LRRC73: variants seen among roughly 807,000 people sequenced by gnomAD.
LRRC73 encodes leucine-rich repeat-containing protein 73.
A neutral mutation model predicts 26.4 loss-of-function variants in LRRC73; 16 were observed. The ratio of observed to expected loss-of-function variants is 0.61; its 90% CI spans 0.41 to 0.92. The LOEUF is 0.92. Ranked by LOEUF, LRRC73 falls within the 40% of genes least tolerant of loss-of-function variation. The pLI is 0.00. For missense variants in LRRC73, 344 were observed against 416.3 expected (o/e 0.83, Z 1.51); for synonymous variants, 210 against 179.8 (o/e 1.17, Z -1.34).
chr6:43,507,649 G>C (rs763893088), exon 5 of LRRC73: 309 of 1,613,982 alleles, frequency 1.9e-4, no homozygotes, highest in Non-Finnish European at 2.5e-4. Context: ...GCAAAGCTGT[G>C]GGGTAATTTT....
chr6:43,509,615 G>A, exon 1 of LRRC73: 1 of 1,605,972 alleles, frequency 6.2e-7, no homozygotes, highest in South Asian at 1.1e-5. Flanking sequence ...GCTGCGCCAG[G>A]GACGTGGCCC....
At chr6:43,508,375 T>A in exon 3 of LRRC73, 1 of 1,613,720 alleles carries the variant, frequency 6.2e-7, no homozygotes, top group Non-Finnish European at 8.5e-7. Flanking sequence ...GCTCCAGCCC[T>A]TAGGGGTGAT....
chr6:43,509,836 G>T (rs1267213196), exon 1 of LRRC73: 4 of 1,411,040 alleles, frequency 2.8e-6, no homozygotes, highest in Admixed American at 3.1e-5. Context: ...AGGTTGGTGG[G>T]GCCGCGGGCG....
At chr6:43,508,478 T>C in intron 2 of LRRC73, 58 bp from the exon 3 acceptor site, 1 of 1,608,428 alleles carries the variant, frequency 6.2e-7, no homozygotes, top group African/African-American at 1.3e-5. Context: ...CCTCCAGCCC[T>C]TCCCCACAAT....
In LRRC73 at chr6:43,507,157, C is replaced by T; in HGVS notation, c.*81G>A. The T allele has an allele frequency of 2.0e-6, 3 of 1,483,192 alleles. No homozygotes were observed. In the South Asian group the frequency reaches 3.6e-5, roughly 18 times the overall value. 91.9% of individuals were successfully genotyped at this position (1,483,192 alleles called of 1,614,324 possible). A position where few individuals can be genotyped will look rare whatever the true frequency, so the allele number is the denominator to read the frequency against. On this transcript the variant is annotated 3_prime_UTR_variant, in exon 6 of 6. Coordinates refer to ENST00000372441, the Ensembl canonical transcript of LRRC73. ...CCCTGACCCCAGTTCCCTCCCAAGT[C>T]CCAGGGCCTGACCCTGATATCTGGG... is the stretch of plus-strand genomic sequence containing the variant.
intron 2 of LRRC73, 44 bp from the exon 3 acceptor site, chr6:43,508,464 C>T (rs1294540049): frequency 6.2e-7 from 1 of 1,611,332 alleles, no homozygotes; most frequent in Non-Finnish European, 8.5e-7. Context: ...GAGGGTTAAG[C>T]CCTCCTCCAG....
At chr6:43,507,463 G>A (rs1252252701) in exon 5 of LRRC73, 9 of 1,612,710 alleles carry the variant, frequency 5.6e-6, no homozygotes, top group South Asian at 2.2e-5. Context: ...TACCGCTGGG[G>A]CACATCCAGG....
chr6:43,508,058 GA>G (rs1281541671), intron 3 of LRRC73, 132 bp from the exon 4 acceptor site: 3 of 1,006,312 alleles, frequency 3.0e-6, no homozygotes, highest in Non-Finnish European at 4.4e-6. Flanking sequence ...TGGTGGTCAG[GA>G]AGGGATCATT....
chr6:43,508,047 G>A (rs575964758), intron 3 of LRRC73, 121 bp from the exon 4 acceptor site: 2 of 1,037,874 alleles, frequency 1.9e-6, no homozygotes, highest in East Asian at 5.2e-5. Context: ...TGGACAATTG[G>A]TGGTGGTCAG....
chr6:43,507,292 C>A, exon 6 of LRRC73: 1 of 1,613,958 alleles, frequency 6.2e-7, no homozygotes, highest in South Asian at 1.1e-5. Context: ...TCATTAGCAC[C>A]ATCTGAGAGC....
chr6:43,509,019 C>T, intron 1 of LRRC73, 99 bp from the exon 2 acceptor site: 1 of 1,271,104 alleles, frequency 7.9e-7, no homozygotes, highest in Non-Finnish European at 1.1e-6. Flanking sequence ...ATGGGGAGGG[C>T]AGTCACAGCG....
At chr6:43,510,031 G>C (rs1200238686) in exon 1 of LRRC73, 3 of 298,542 alleles carry the variant, frequency 1.0e-5, no homozygotes, top group Admixed American at 5.2e-5. Context: ...GCGCGGGCCG[G>C]GCTGAAGTGG....
chr6:43,510,323 G>GCAGCTC (rs1158715082), exon 1 of LRRC73: 4 of 152,650 alleles, frequency 2.6e-5, no homozygotes, highest in Admixed American at 6.5e-5. Flanking sequence ...GCGGCTGGCG[G>GCAGCTC]CAGCTCCGGC....
In LRRC73 at chr6:43,507,812, TGAC is replaced by T. The variant is rs765037330; in HGVS notation, c.657+11_657+13del. The T allele has an allele frequency of 2.5e-5, 41 of 1,612,828 alleles. No homozygotes were observed. The highest frequency in any genetic ancestry group is 3.3e-5 in the Non-Finnish European group (39 of 1,179,310). ...CCCATCCCCTGGCCGTGCCCAAACA[TGAC>T]GACTTCCCACCTGAGCTGACTGGTT... On this transcript the variant is annotated intron_variant, in intron 4 of 5. Coordinates refer to ENST00000372441, the Ensembl canonical transcript of LRRC73.
chr6:43,507,271 T>A, exon 6 of LRRC73: 1 of 1,613,928 alleles, frequency 6.2e-7, no homozygotes, highest in Non-Finnish European at 8.5e-7. Flanking sequence ...GACTGTCCCC[T>A]AGTCCTGACG....
chr6:43,509,028 C>T, intron 1 of LRRC73, 108 bp from the exon 2 acceptor site: 14 of 1,151,400 alleles, frequency 1.2e-5, no homozygotes, highest in Non-Finnish European at 1.5e-5. Context: ...GCAGTCACAG[C>T]GCTTGAGAGG....
intron 4 of LRRC73, 46 bp from the exon 5 acceptor site, chr6:43,507,724 G>C (rs1320713054): frequency 1.2e-6 from 2 of 1,601,166 alleles, no homozygotes; most frequent in Admixed American, 3.4e-5. Context: ...AGTTAAGGCA[G>C]GTCCTCAGAC....
At chr6:43,509,612 C>T (rs1369009559) in exon 1 of LRRC73, 1 of 1,606,204 alleles carries the variant, frequency 6.2e-7, no homozygotes. Flanking sequence ...TGAGCTGCGC[C>T]AGGGACGTGG....
chr6:43,507,469 C>A, exon 5 of LRRC73: 1 of 1,612,996 alleles, frequency 6.2e-7, no homozygotes. Flanking sequence ...TGGGGCACAT[C>A]CAGGAGCTGC....
Sources: gnomAD v4.1 joint callset for allele counts on GRCh38, gnomAD v4.1.1 for gene constraint, MANE v1.5 for transcripts, NCBI Gene and HGNC (gene_info 2026-07-23, HGNC 2026-07-21) for gene names.